Variants in ACSM1 observed in about 807,000 individuals in gnomAD.
ACSM1 encodes the protein acyl-coenzyme A synthetase ACSM1, mitochondrial.
In ACSM1, 79 loss-of-function variants were observed where a neutral mutation model predicts 75.8. The observed-to-expected ratio is 1.04, with a 90% confidence interval of 0.87 to 1.26. ACSM1 has a LOEUF of 1.26. Ranked by LOEUF, ACSM1 falls within the 50% of genes most tolerant of loss-of-function variation. The pLI is 0.00. For synonymous variants in ACSM1, 279 were observed against 265.8 expected, an observed-to-expected ratio of 1.05 and a Z score of -0.48; for missense variants, 676 against 720.1, an observed-to-expected ratio of 0.94 and a Z score of 0.70.
chr16:20,671,504 C>A (rs959456008), intron 5 of ACSM1, 27 bp downstream of exon 5: 3 of 1,580,534 alleles, frequency 1.9e-6, no homozygotes, highest in South Asian at 1.2e-5. Flanking sequence ...CTGGGTCCAG[C>A]CTCTATGTCG....
chr16:20,675,276 A>G (rs1047938208), intron 4 of ACSM1, among the ~76,000 whole-genome samples: 1 of 152,126 alleles, frequency 6.6e-6, no homozygotes, highest in African/African-American at 2.4e-5. Flanking sequence ...AAAGTGTGTG[A>G]AAGAGACGGT....
At chr16:20,690,149 G>T (rs1481376240) in intron 2 of ACSM1, among the ~76,000 whole-genome samples, 2 of 152,166 alleles carry the variant, frequency 1.3e-5, no homozygotes, top group African/African-American at 4.8e-5. Context: ...TGTAGGCTTT[G>T]GATAGTAATA....
intron 3 of ACSM1, among the ~76,000 whole-genome samples, chr16:20,683,900 T>C (rs1321581791): frequency 1.3e-5 from 2 of 152,066 alleles, no homozygotes; most frequent in Non-Finnish European, 2.9e-5. Context: ...ATCTTATAGG[T>C]CTACAGATGA....
At chr16:20,634,592 G>A (rs1242465392) in intron 10 of ACSM1, among the ~76,000 whole-genome samples, 1 of 152,164 alleles carries the variant, frequency 6.6e-6, no homozygotes, top group African/African-American at 2.4e-5. Context: ...TAAGCCAAAC[G>A]CAAAAGGGCA....
chr16:20,694,266 G>C (rs375114105), intron 1 of ACSM1, among the ~76,000 whole-genome samples: 1 of 152,198 alleles, frequency 6.6e-6, no homozygotes, highest in Non-Finnish European at 1.5e-5. Flanking sequence ...GGGTGGATGC[G>C]TCAGGTTATA....
chr16:20,648,649 T>C lies in ACSM1; in HGVS notation c.993-8065A>G, dbSNP rs2018482614. ...GCACCTGGAAGCTTCATCTGCATAA[T>C]AAAAACTTTTATTTCTACAATCCTT... On this transcript the variant is annotated intron_variant, in intron 7 of 13. Transcript: ENST00000520010. This position sits in a 1 kb window ranked among gnomAD's most constrained non-coding sequence, Gnocchi z 4.2. 6.6e-6 allele frequency among the ~76,000 whole-genome samples: 1 copy of C among 152,186 alleles called. No homozygotes were observed. The highest frequency in any genetic ancestry group is 2.1e-4 in the South Asian group (1 of 4,828).
chr16:20,640,910 TAAG>T (rs1168768927), intron 7 of ACSM1, among the ~76,000 whole-genome samples: 3 of 152,220 alleles, frequency 2.0e-5, no homozygotes, highest in South Asian at 2.1e-4. Context: ...TCTGTATAGC[TAAG>T]AAGGACATTT....
intron 6 of ACSM1, among the ~76,000 whole-genome samples, chr16:20,663,591 A>G (rs1172433554): frequency 6.6e-6 from 1 of 152,178 alleles, no homozygotes; most frequent in Non-Finnish European, 1.5e-5. Flanking sequence ...TTATCTGGGA[A>G]GGGGGAATGT....
At chr16:20,682,169 C>T (rs2079459055) in intron 4 of ACSM1, 87 bp downstream of exon 4, 6 of 1,308,730 alleles carry the variant, frequency 4.6e-6, no homozygotes, top group Non-Finnish European at 5.4e-6. Flanking sequence ...TAAATACATC[C>T]TCCTCAACCC....
At chr16:20,661,517 T>A (rs1363037447) in intron 7 of ACSM1, among the ~76,000 whole-genome samples, 4 of 152,342 alleles carry the variant, frequency 2.6e-5, no homozygotes, top group African/African-American at 9.6e-5. Context: ...AATTTATTAA[T>A]CTGTAAATTT....
At position 20,637,450 on chromosome 16, in the gene ACSM1, C is replaced by G. The variant is rs1169873892; in HGVS notation, c.1118G>C (p.Gly373Ala). The change falls in exon 9 of 14, where the codon GGA (glycine) becomes GCA (alanine). Residue 373 changes from glycine (G) to alanine (A), a missense_variant and splice_region_variant. Physicochemically the swap from Gly to Ala is moderately conservative, Grantham distance 60. Coordinates refer to ENST00000520010, the MANE Select transcript of ACSM1 (RefSeq NM_001318890.3). ...TCCCCAGTAGGTGGCACAAATTAGT[C>G]CCTGTTCACAAAAGAAAGAAGATTT... is the stretch of plus-strand genomic sequence containing the variant. The part of the protein sequence containing the change: ...LYENYGQSET[G>A]LICATYWGMK... The G allele has an allele frequency of 1.9e-6, 3 of 1,613,558 alleles. No individual in the cohort carries two copies. The African/African-American group carries it at 4.0e-5, about 22-fold the overall frequency.
intron 4 of ACSM1, among the ~76,000 whole-genome samples, chr16:20,676,868 T>TA (rs931329133): frequency 6.6e-5 from 10 of 150,454 alleles, no homozygotes; most frequent in South Asian, 2.1e-4. Flanking sequence ...GGCCATGGTA[T>TA]AAAAAAAAAC....
At chr16:20,672,942 CATTT>C (rs2020046870) in intron 4 of ACSM1, among the ~76,000 whole-genome samples, 1 of 133,162 alleles carries the variant, frequency 7.5e-6, no homozygotes, top group South Asian at 2.2e-4. Context: ...TATATAAAAA[CATTT>C]ATATATTATA....
rs780488917 is a variant in ACSM1 at position 20,685,182 on chromosome 16, G to A, written c.403+11C>T. The A allele has an allele frequency of 3.8e-5, 62 of 1,613,984 alleles. No individual in the cohort carries two copies. On this transcript the variant is annotated intron_variant, in intron 3 of 13. Transcript: ENST00000520010. The stretch of plus-strand genomic sequence containing the variant: ...CCCCGAGGTCCACCAGGTCCCTCTT[G>A]CATCACTGACCTGTTCGCATGCAGC...
chr16:20,651,801 T>A (rs1015524766), intron 7 of ACSM1, among the ~76,000 whole-genome samples: 7 of 152,164 alleles, frequency 4.6e-5, no homozygotes, highest in Non-Finnish European at 7.4e-5. Context: ...AATAAGATTT[T>A]ATTTTAGTAA....
chr16:20,669,729 T>G (rs1376562775), intron 6 of ACSM1, 98 bp downstream of exon 6: 1 of 1,272,924 alleles, frequency 7.9e-7, no homozygotes, highest in South Asian at 1.4e-5. Context: ...CTTAGGCTCA[T>G]GGGCTTCTTT....
chr16:20,682,921 TCA>T (rs1468526320), intron 3 of ACSM1, among the ~76,000 whole-genome samples: 1 of 152,134 alleles, frequency 6.6e-6, no homozygotes, highest in Non-Finnish European at 1.5e-5. Flanking sequence ...ATTCTGTATT[TCA>T]CCACATTGTC....
chr16:20,696,484 C>T (rs1264681906), intron 1 of ACSM1, among the ~76,000 whole-genome samples: 1 of 152,194 alleles, frequency 6.6e-6, no homozygotes, highest in Non-Finnish European at 1.5e-5. Flanking sequence ...CCAGTGTGCC[C>T]ACAAATTATC....
At chr16:20,678,635 C>T in intron 4 of ACSM1, among the ~76,000 whole-genome samples, 1 of 152,190 alleles carries the variant, frequency 6.6e-6, no homozygotes, top group Admixed American at 6.5e-5. Context: ...ATTTGGACTG[C>T]CTCTAACTCT....
Sources: allele counts gnomAD v4.1 joint callset (sites outside exome capture counted in the v4.1 genomes callset), GRCh38; gene constraint gnomAD v4.1.1; non-coding constraint Gnocchi (gnomAD v3.1); transcripts MANE v1.5; gene names NCBI Gene and HGNC (gene_info 2026-07-23, HGNC 2026-07-21).